The following BANK1 variants were observed in gnomAD, a reference collection of about 807,000 sequenced individuals.
BANK1 encodes B cell scaffold protein with ankyrin repeats 1.
Under a neutral mutation model 94.5 loss-of-function variants are expected in BANK1, and 95 were observed. That is an observed-to-expected ratio of 1.00 (90% CI 0.85 to 1.19). The LOEUF (loss-of-function observed/expected upper bound fraction) is 1.19. Among genes scored for constraint, BANK1 ranks in the 50% most tolerant of loss-of-function variants. The probability of loss-of-function intolerance (pLI) is 0.00; values close to 1 mark genes in which losing one functional copy is unlikely to be tolerated. For synonymous variants in BANK1, 334 were observed against 308.4 expected (o/e 1.08, Z -0.87); for missense variants, 987 against 932.2 (o/e 1.06, Z -0.77).
At chr4:101,855,285 C>A (rs942445011) in intron 3 of BANK1, 96 bp downstream of exon 3, 10 of 1,263,016 alleles carry the variant, frequency 7.9e-6, no homozygotes, top group South Asian at 1.9e-5. Flanking sequence ...CATTAGGTTG[C>A]CCAGGCTGGT....
intron 7 of BANK1, among the ~76,000 whole-genome samples, chr4:101,938,586 T>C (rs977189596): frequency 1.1e-4 from 17 of 151,614 alleles, no homozygotes; most frequent in South Asian, 2.1e-4. Context: ...ACCTACTATG[T>C]ACCCCAAAAG....
chr4:101,831,787 T>G (rs1180343501), intron 2 of BANK1, among the ~76,000 whole-genome samples: 1 of 152,216 alleles, frequency 6.6e-6, no homozygotes, highest in Non-Finnish European at 1.5e-5. Flanking sequence ...TGTCTATTGT[T>G]GCATAACAAG....
At chr4:101,934,776 T>C (rs1723472580) in intron 7 of BANK1, among the ~76,000 whole-genome samples, 1 of 151,520 alleles carries the variant, frequency 6.6e-6, no homozygotes, top group Non-Finnish European at 1.5e-5. Context: ...TGCGCTGATA[T>C]TCTAATGCCA....
Position 101,992,785 on chromosome 4 carries a change from G to A in BANK1, c.1207-28729G>A, listed in dbSNP as rs540653038. On this transcript the variant is annotated intron_variant, in intron 7 of 16. Transcript: ENST00000322953. ...ATGGAAGTAAATATCTATTACTTAA[G>A]CTTCAAGCATGTTTTTATTTTGTGT... Among the ~76,000 whole-genome samples the A allele has an allele frequency of 8.9e-4, 135 of 152,222 alleles. 1 individual carries two copies. Among genetic ancestry groups the A allele is most frequent in the African/African-American group, 3.1e-3 (128 of 41,540 alleles).
chr4:101,834,021 G>A (rs866778167), intron 2 of BANK1, among the ~76,000 whole-genome samples: 1 of 152,070 alleles, frequency 6.6e-6, no homozygotes, highest in South Asian at 2.1e-4. Context: ...TAAAATTTTA[G>A]ATGGCTCTCC....
At chr4:101,894,272 A>G (rs751927636) in intron 5 of BANK1, among the ~76,000 whole-genome samples, 3 of 152,008 alleles carry the variant, frequency 2.0e-5, no homozygotes, top group Non-Finnish European at 2.9e-5. Flanking sequence ...GCTTTGCACA[A>G]TCTGTGGTGT....
intron 6 of BANK1, among the ~76,000 whole-genome samples, chr4:101,901,251 A>T (rs1171033345): frequency 6.6e-6 from 1 of 152,242 alleles, no homozygotes; most frequent in Non-Finnish European, 1.5e-5. Flanking sequence ...AAGAATTATA[A>T]TTCTGATTCA....
intron 16 of BANK1, 35 bp downstream of exon 16, chr4:102,073,783 C>A: frequency 2.0e-6 from 3 of 1,531,546 alleles, no homozygotes; most frequent in South Asian, 1.2e-5. Flanking sequence ...TTTAGAAAAT[C>A]TAAAGCAGCC....
At chr4:101,833,061 C>A (rs1298095295) in intron 2 of BANK1, among the ~76,000 whole-genome samples, 1 of 151,986 alleles carries the variant, frequency 6.6e-6, no homozygotes, top group African/African-American at 2.4e-5. Context: ...CTCACTGCAA[C>A]CTCCACCTCC....
chr4:101,991,854 G>A (rs564901707), intron 7 of BANK1, among the ~76,000 whole-genome samples: 27 of 152,110 alleles, frequency 1.8e-4, no homozygotes, highest in Non-Finnish European at 3.1e-4. Context: ...TGTCTGGTTG[G>A]GTCATCTCTT....
intron 7 of BANK1, among the ~76,000 whole-genome samples, chr4:101,971,936 CT>C (rs1283375889): frequency 2.0e-5 from 3 of 151,892 alleles, no homozygotes; most frequent in African/African-American, 7.2e-5. Flanking sequence ...TTACTTTGTT[CT>C]TTTTGTACAA....
At chr4:102,022,933 G>A (rs1315689113) in intron 8 of BANK1, among the ~76,000 whole-genome samples, 1 of 152,096 alleles carries the variant, frequency 6.6e-6, no homozygotes, top group Non-Finnish European at 1.5e-5. Flanking sequence ...CTCAATAGTT[G>A]CTTCATCACT....
chr4:101,850,313 C>A (rs950571627), intron 2 of BANK1, among the ~76,000 whole-genome samples: 3 of 151,898 alleles, frequency 2.0e-5, no homozygotes, highest in Non-Finnish European at 2.9e-5. Flanking sequence ...GCTTTGTCAC[C>A]CAGGCTGGAG....
intron 11 of BANK1, among the ~76,000 whole-genome samples, chr4:102,056,885 A>G (rs573074655): frequency 1.7e-3 from 252 of 152,218 alleles, no homozygotes; most frequent in Non-Finnish European, 3.1e-3. Context: ...GCACGCCTGT[A>G]ATCCCTCTAC....
chr4:101,817,532 T>G (rs1725963031), intron 1 of BANK1, among the ~76,000 whole-genome samples: 1 of 151,394 alleles, frequency 6.6e-6, no homozygotes, highest in Non-Finnish European at 1.5e-5. Flanking sequence ...TGTTGGAGGG[T>G]GAGGGGTGGG....
intron 3 of BANK1, among the ~76,000 whole-genome samples, chr4:101,859,504 G>A (rs1004696794): frequency 6.6e-6 from 1 of 152,168 alleles, no homozygotes; most frequent in Non-Finnish European, 1.5e-5. Context: ...TTCCCTGAAT[G>A]CTCTGACCTA....
chr4:101,981,084 G>C (rs1016972680), intron 7 of BANK1, among the ~76,000 whole-genome samples: 1 of 152,006 alleles, frequency 6.6e-6, no homozygotes, highest in Non-Finnish European at 1.5e-5. Context: ...CTTGTGAATT[G>C]TAACTATTCA....
intron 1 of BANK1, among the ~76,000 whole-genome samples, chr4:101,798,982 A>T (rs1206807040): frequency 7.2e-5 from 11 of 152,112 alleles, no homozygotes; most frequent in African/African-American, 2.4e-4. Context: ...CCCATTTGTC[A>T]ATTTTGGCTT....
At chr4:101,905,125 T>C (rs1722405584) in intron 6 of BANK1, among the ~76,000 whole-genome samples, 1 of 152,198 alleles carries the variant, frequency 6.6e-6, no homozygotes, top group African/African-American at 2.4e-5. Context: ...GGAACAGAAG[T>C]AGATACAACA....
Sources: allele counts gnomAD v4.1 joint callset (sites outside exome capture counted in the v4.1 genomes callset), GRCh38; gene constraint gnomAD v4.1.1; transcripts MANE v1.5; gene names NCBI Gene and HGNC (gene_info 2026-07-23, HGNC 2026-07-21).